HMGXB4: variants seen among roughly 807,000 people sequenced by gnomAD.
HMGXB4 encodes the protein HMG-box containing 4, also known as HMG domain-containing protein 4.
Under a neutral mutation model 63.9 loss-of-function variants are expected in HMGXB4, and 27 were observed. The ratio of observed to expected loss-of-function variants is 0.42; its 90% CI spans 0.31 to 0.58. HMGXB4 has a LOEUF of 0.58. HMGXB4 is among the 20% of genes least tolerant of loss of function. The probability of loss-of-function intolerance (pLI) is 0.13; values close to 1 mark genes in which losing one functional copy is unlikely to be tolerated. For synonymous variants in HMGXB4, 264 were observed against 265.3 expected (o/e 0.99, Z 0.05); for missense variants, 624 against 700.7 (o/e 0.89, Z 1.24).
chr22:35,288,457 A>G (rs368993732), intron 9 of HMGXB4, 50 bp downstream of exon 9: 2 of 1,425,596 alleles, frequency 1.4e-6, no homozygotes, highest in Non-Finnish European at 1.9e-6. Context: ...ATAGTTTCCC[A>G]TATAATTTTG....
At position 35,263,201 on chromosome 22, in the gene HMGXB4, G is replaced by A. The variant is rs761769506; in HGVS notation, c.155G>A (p.Arg52Lys). The A allele has an allele frequency of 6.2e-7, 1 of 1,612,950 alleles. No individual in the cohort carries two copies. Among genetic ancestry groups the A allele is most frequent in the East Asian group, 2.2e-5 (1 of 44,880 alleles). ...GAGGAAGAAATTGCTGCTCAGGTCA[G>A]GAATTCTTCCAAGAAGAAGTTGAAG... ...REEEEIAAQV[R>K]NSSKKKLKDS... Residue 52 changes from arginine to lysine, a missense_variant, in exon 3 of 11, where the codon AGG becomes AAG. This residue lies in a region of HMGXB4 where 472 missense variants were observed against 470.6 expected (regional missense o/e 1.00). Coordinates refer to ENST00000216106, the MANE Select transcript of HMGXB4 (RefSeq NM_001003681.3).
chr22:35,273,755 CAG>C (rs1199029770), intron 5 of HMGXB4, among the ~76,000 whole-genome samples: 1 of 152,076 alleles, frequency 6.6e-6, no homozygotes, highest in Non-Finnish European at 1.5e-5. Context: ...AGAAAGAAAA[CAG>C]GGCCTCTAAG....
intron 5 of HMGXB4, among the ~76,000 whole-genome samples, chr22:35,274,121 G>T (rs183361291): frequency 4.3e-4 from 65 of 152,362 alleles, no homozygotes; most frequent in Admixed American, 2.3e-3. Context: ...GACTTGGTGT[G>T]TTGAACTTCA....
intron 1 of HMGXB4, among the ~76,000 whole-genome samples, chr22:35,258,874 A>G (rs900279727): frequency 4.6e-5 from 7 of 152,204 alleles, no homozygotes; most frequent in African/African-American, 1.7e-4. Context: ...AATTTCTCTT[A>G]CTGTCCGTGT....
At chr22:35,244,143 T>C in the HMGXB4 span, among the ~76,000 whole-genome samples, 1 of 152,178 alleles carries the variant, frequency 6.6e-6, no homozygotes, top group Non-Finnish European at 1.5e-5. Context: ...CATATACTTT[T>C]CCAGCCCTGC....
intron 5 of HMGXB4, among the ~76,000 whole-genome samples, chr22:35,270,711 C>T (rs1354609457): frequency 1.3e-5 from 2 of 152,118 alleles, no homozygotes; most frequent in Non-Finnish European, 2.9e-5. Flanking sequence ...ATAATTTGCC[C>T]ATGTGGCTAG....
chr22:35,259,712 T>G lies in HMGXB4; in HGVS notation c.-69+2155T>G, dbSNP rs569342488. On this transcript the variant is annotated intron_variant, in intron 1 of 10. Transcript: ENST00000216106. Reference sequence around the variant, plus strand: ...TCTGCCCAAGCTGTGGCTGATACAGTCCGTTGTGTTTAATTTTAGTTTTTC... The same window carrying G: ...TCTGCCCAAGCTGTGGCTGATACAGGCCGTTGTGTTTAATTTTAGTTTTTC... Among the ~76,000 whole-genome samples the G allele has an allele frequency of 6.2e-4, 95 of 152,332 alleles. 2 individuals carry two copies. In the South Asian group the frequency reaches 0.018, roughly 29 times the overall value.
At chr22:35,242,759 T>C in the HMGXB4 span, among the ~76,000 whole-genome samples, 1 of 152,180 alleles carries the variant, frequency 6.6e-6, no homozygotes, top group Non-Finnish European at 1.5e-5. Flanking sequence ...CATTTAGTGT[T>C]ATATATTTCC....
chr22:35,283,044 T>C, intron 5 of HMGXB4, among the ~76,000 whole-genome samples: 1 of 152,206 alleles, frequency 6.6e-6, no homozygotes, highest in East Asian at 1.9e-4. Flanking sequence ...ATGCCTCAGG[T>C]AGTACAGAGC....
the HMGXB4 span, among the ~76,000 whole-genome samples, chr22:35,245,618 C>A: frequency 6.6e-6 from 1 of 152,090 alleles, no homozygotes; most frequent in Non-Finnish European, 1.5e-5. Flanking sequence ...TGATTGAAAT[C>A]TGCACATTTG....
chr22:35,260,055 A>C (rs1280933411), intron 1 of HMGXB4, among the ~76,000 whole-genome samples: 1 of 152,134 alleles, frequency 6.6e-6, no homozygotes, highest in Non-Finnish European at 1.5e-5. Context: ...ACTTATTTCT[A>C]TTCTGTTAGG....
At chr22:35,259,115 A>G (rs1289117736) in intron 1 of HMGXB4, among the ~76,000 whole-genome samples, 1 of 152,248 alleles carries the variant, frequency 6.6e-6, no homozygotes, top group Non-Finnish European at 1.5e-5. Context: ...CTTATCTACC[A>G]GGGAAAGAGC....
chr22:35,279,121 C>G (rs1924082236), intron 5 of HMGXB4, among the ~76,000 whole-genome samples: 1 of 125,728 alleles, frequency 8.0e-6, no homozygotes, highest in Non-Finnish European at 1.6e-5. Context: ...TTCTCACAGT[C>G]TATGGATTGT....
At chr22:35,271,692 G>C (rs74911533) in intron 5 of HMGXB4, among the ~76,000 whole-genome samples, 1 of 152,138 alleles carries the variant, frequency 6.6e-6, no homozygotes, top group Admixed American at 6.5e-5. Context: ...GCTCTGGGAC[G>C]CCACATCAGA....
At chr22:35,262,470 A>G (rs1423433907) in intron 2 of HMGXB4, 49 bp downstream of exon 2, 4 of 1,563,750 alleles carry the variant, frequency 2.6e-6, no homozygotes, top group Non-Finnish European at 3.5e-6. Context: ...ATCCTCTTCA[A>G]TCCTTGCAGC....
Position 35,265,249 on chromosome 22 carries a change from T to C in HMGXB4, c.861T>C (p.Leu287=). ...SHSANLDLSG[L]EPILVESDSS... ...GTGCTAACCTTGATCTTTCAGGGCT[T>C]GAACCTATTCTGGTAGAATCAGACT... The change falls in exon 5 of 11, where the codon CTT becomes CTC. Residue 287 remains leucine (L), a synonymous_variant. Coordinates refer to ENST00000216106, the MANE Select transcript of HMGXB4 (RefSeq NM_001003681.3). 1 of 1,614,066 alleles carries C rather than the reference T, an allele frequency of 6.2e-7. No homozygotes were observed. Among genetic ancestry groups the C allele is most frequent in the Non-Finnish European group, 8.5e-7 (1 of 1,180,018 alleles).
At chr22:35,283,523 C>G (rs1924386242) in intron 5 of HMGXB4, among the ~76,000 whole-genome samples, 1 of 152,172 alleles carries the variant, frequency 6.6e-6, no homozygotes, top group South Asian at 2.1e-4. Context: ...GGCATGGTGG[C>G]TCAAGCCTGT....
Position 35,293,602 on chromosome 22 carries a change from T to G in HMGXB4, c.1762-5T>G. The G allele has an allele frequency of 6.2e-7, 1 of 1,607,420 alleles. No individual in the cohort carries two copies. The highest frequency in any genetic ancestry group is 8.5e-7 in the Non-Finnish European group (1 of 1,173,890). On this transcript the variant is annotated splice_polypyrimidine_tract_variant and splice_region_variant and intron_variant, in intron 10 of 10. Transcript: ENST00000216106. ...TTCAGTTGAACATTTTTCTTTGTTT[T>G]GCAGTCAAACACATTAGACAACATT... is the stretch of plus-strand genomic sequence containing the variant.
the HMGXB4 span, among the ~76,000 whole-genome samples, chr22:35,250,516 T>C: frequency 6.6e-6 from 1 of 152,168 alleles, no homozygotes; most frequent in Non-Finnish European, 1.5e-5. Flanking sequence ...AAGCCATTCA[T>C]GAGGGATCTG....
Sources: allele counts gnomAD v4.1 joint callset (sites outside exome capture counted in the v4.1 genomes callset), GRCh38; gene constraint gnomAD v4.1.1; regional missense constraint gnomAD v4.1.1; transcripts MANE v1.5; gene names NCBI Gene and HGNC (gene_info 2026-07-23, HGNC 2026-07-21).